Variants in SRRM4 observed in about 807,000 individuals in gnomAD.
The protein encoded by SRRM4 is serine/arginine repetitive matrix protein 4.
In SRRM4, 33 loss-of-function variants were observed where a neutral mutation model predicts 68.9. The ratio of observed to expected loss-of-function variants is 0.48; its 90% CI spans 0.36 to 0.64. The LOEUF (loss-of-function observed/expected upper bound fraction) is 0.64, where lower values mean the gene tolerates loss of function less well. Ranked by LOEUF, SRRM4 falls within the 30% of genes least tolerant of loss-of-function variation. SRRM4 has a pLI of 0.00. For synonymous variants in SRRM4, 318 were observed against 318.8 expected (o/e 1.00, Z 0.03); for missense variants, 817 against 827.1 (o/e 0.99, Z 0.15).
Position 119,162,717 on chromosome 12 carries a change from A to G in SRRM4, c.*5919A>G, listed in dbSNP as rs940355369. 6.6e-6 allele frequency: 1 copy of G among 152,112 alleles called. No individual in the cohort carries two copies. Among genetic ancestry groups the G allele is most frequent in the Non-Finnish European group, 1.5e-5 (1 of 68,042 alleles). 9.4% of individuals were successfully genotyped at this position (152,112 alleles called of 1,614,324 possible). On this transcript the variant is annotated 3_prime_UTR_variant, in exon 13 of 13. Transcript: ENST00000267260. The stretch of plus-strand genomic sequence containing the variant: ...GGCCAAGGACCTAGCATAATCCACC[A>G]CATTGGCCAAGGGGACGTGGTGCAC...
At chr12:118,983,079 C>A (rs1017452035) in intron 1 of SRRM4, among the ~76,000 whole-genome samples, 1 of 152,094 alleles carries the variant, frequency 6.6e-6, no homozygotes, top group African/African-American at 2.4e-5. Context: ...CATTAGGGAG[C>A]AGATTGAAAA....
intron 8 of SRRM4, among the ~76,000 whole-genome samples, chr12:119,141,257 T>C (rs112771840): frequency 2.0e-5 from 3 of 152,232 alleles, no homozygotes; most frequent in Admixed American, 6.5e-5. Flanking sequence ...AAGAGAATAA[T>C]TTGAATGCTC....
intron 2 of SRRM4, among the ~76,000 whole-genome samples, chr12:119,110,942 C>T (rs962040957): frequency 2.6e-5 from 4 of 152,190 alleles, no homozygotes; most frequent in African/African-American, 9.6e-5. Context: ...TCCTATTCGG[C>T]CACCTTGGAA....
chr12:118,982,033 A>G lies in SRRM4; in HGVS notation c.131+20A>G, dbSNP rs1953250848. On this transcript the variant is annotated intron_variant, in intron 1 of 12. Coordinates refer to ENST00000267260, the MANE Select transcript of SRRM4 (RefSeq NM_194286.4). ...GCCAAGGTAATGATCTCCTTCTTAG[A>G]AGGGGGGATCCTGAAGGTCCTCCTT... is the stretch of plus-strand genomic sequence containing the variant. 2 of 1,598,322 alleles carry G rather than the reference A, an allele frequency of 1.3e-6. No homozygotes were observed. The highest frequency in any genetic ancestry group is 1.7e-6 in the Non-Finnish European group (2 of 1,172,664).
chr12:119,096,265 C>G (rs1954044131), intron 1 of SRRM4, among the ~76,000 whole-genome samples: 1 of 150,650 alleles, frequency 6.6e-6, no homozygotes, highest in Non-Finnish European at 1.5e-5. Flanking sequence ...ATCTTCCTGA[C>G]CTCGTAATCC....
chr12:119,086,344 C>T (rs1166959240), intron 1 of SRRM4, among the ~76,000 whole-genome samples: 1 of 152,162 alleles, frequency 6.6e-6, no homozygotes, highest in African/African-American at 2.4e-5. Flanking sequence ...ATCTAAAGTG[C>T]TTTGCTTCCA....
chr12:119,131,220 T>G (rs1235423233), intron 8 of SRRM4, among the ~76,000 whole-genome samples: 1 of 152,214 alleles, frequency 6.6e-6, no homozygotes, highest in Non-Finnish European at 1.5e-5. Flanking sequence ...GCACTCCAGC[T>G]TTTACATGAA....
intron 9 of SRRM4, among the ~76,000 whole-genome samples, chr12:119,148,906 A>G (rs1954420750): frequency 6.6e-6 from 1 of 152,164 alleles, no homozygotes; most frequent in Non-Finnish European, 1.5e-5. Context: ...TCAGCTCTAA[A>G]TCAAAGGAAC....
At chr12:119,058,600 C>T (rs1565899250) in intron 1 of SRRM4, among the ~76,000 whole-genome samples, 2 of 152,186 alleles carry the variant, frequency 1.3e-5, no homozygotes, top group African/African-American at 4.8e-5. Context: ...GGTACAGAGT[C>T]TAGCATATTA....
chr12:119,104,868 A>T (rs139931122), intron 2 of SRRM4, among the ~76,000 whole-genome samples: 109 of 151,196 alleles, frequency 7.2e-4, no homozygotes, highest in African/African-American at 2.5e-3. Flanking sequence ...TGTGCACATC[A>T]TGCAGGTTTG....
intron 1 of SRRM4, among the ~76,000 whole-genome samples, chr12:119,028,095 C>T (rs1001147493): frequency 6.6e-6 from 1 of 152,224 alleles, no homozygotes; most frequent in Non-Finnish European, 1.5e-5. Context: ...GGGCACCACC[C>T]CTAGACTTTC....
intron 1 of SRRM4, chr12:118,993,857 G>C (rs1001540418): frequency 6.6e-6 from 1 of 152,176 alleles, no homozygotes; most frequent in East Asian, 1.9e-4. Context: ...ATTGCTTTCT[G>C]CTGGGTGCTA....
chr12:119,029,776 C>A (rs746357650), intron 1 of SRRM4, among the ~76,000 whole-genome samples: 1 of 152,226 alleles, frequency 6.6e-6, no homozygotes, highest in Non-Finnish European at 1.5e-5. Context: ...GCCAAAATCA[C>A]ATCACACAGA....
chr12:118,997,842 G>A (rs1953359019), intron 1 of SRRM4, among the ~76,000 whole-genome samples: 1 of 151,978 alleles, frequency 6.6e-6, no homozygotes, highest in African/African-American at 2.4e-5. Context: ...TTACAGAGGA[G>A]GAAGCTGAAG....
chr12:119,011,097 T>C (rs1953446119), intron 1 of SRRM4, among the ~76,000 whole-genome samples: 1 of 152,168 alleles, frequency 6.6e-6, no homozygotes, highest in African/African-American at 2.4e-5. Context: ...AAGAGGGGGA[T>C]ATTTTAGCTT....
Position 119,151,085 on chromosome 12 carries a change from G to T in SRRM4, c.1145G>T (p.Arg382Leu). ...TCCAGTTTGGTCCCATCCACAGCCCGGAGCTCACCCATGAAAGGGTGTTCC... is the reference window on the plus strand; with the variant it reads ...TCCAGTTTGGTCCCATCCACAGCCCTGAGCTCACCCATGAAAGGGTGTTCC... ...KKSSLVPSTARSSPMKGCSRS... is the reference protein window; with the variant it reads ...KKSSLVPSTALSSPMKGCSRS... Residue 382 changes from arginine (R) to leucine (L), a missense_variant, in exon 10 of 13, where the codon CGG becomes CTG. Arg to Leu is a moderately radical substitution (Grantham distance 102). Coordinates refer to ENST00000267260, the MANE Select transcript of SRRM4 (RefSeq NM_194286.4). 6.2e-7 allele frequency: 1 copy of T among 1,613,902 alleles called. No homozygotes were observed. The highest frequency in any genetic ancestry group is 1.1e-5 in the South Asian group (1 of 91,080).
rs182623301 is a variant in SRRM4, at chr12:119,057,046, G to A, written c.132-45190G>A. Among the ~76,000 whole-genome samples, 29 of 152,290 alleles carry A rather than the reference G, an allele frequency of 1.9e-4. 1 individual carries two copies. In the East Asian group the frequency reaches 5.4e-3, roughly 28 times the overall value. Reference sequence around the variant, plus strand: ...CAACAGATGATAAGATATAGGCACAGAATATCCAGGGATTTTCCTAGATCA... The same window carrying A: ...CAACAGATGATAAGATATAGGCACAAAATATCCAGGGATTTTCCTAGATCA... On this transcript the variant is annotated intron_variant, in intron 1 of 12. Transcript: ENST00000267260.
chr12:119,071,768 T>A (rs1214891664), intron 1 of SRRM4, among the ~76,000 whole-genome samples: 1 of 152,180 alleles, frequency 6.6e-6, no homozygotes, highest in Non-Finnish European at 1.5e-5. Flanking sequence ...GTGAGATTCA[T>A]CATGCCGCAC....
chr12:119,134,382 T>TAAA lies in SRRM4; in HGVS notation c.771+3562_771+3564dup, dbSNP rs55867545. On this transcript the variant is annotated intron_variant, in intron 8 of 12. Coordinates refer to ENST00000267260, the MANE Select transcript of SRRM4 (RefSeq NM_194286.4). The stretch of plus-strand genomic sequence containing the variant: ...AGGTACTGGGGAGGCAGAGAGATTG[T>TAAA]AAAAAAAAAAAAAAAAGAAGAAAAG... Among the ~76,000 whole-genome samples the TAAA allele has an allele frequency of 5.2e-5, 6 of 116,432 alleles. No individual in the cohort carries two copies. The East Asian group carries it at 7.3e-4, about 14-fold the overall frequency. 76.4% of individuals were successfully genotyped at this position (116,432 alleles called of 152,430 possible).
Sources: gnomAD v4.1 joint callset for allele counts (sites outside exome capture counted in the v4.1 genomes callset) on GRCh38, gnomAD v4.1.1 for gene constraint, MANE v1.5 for transcripts, NCBI Gene and HGNC (gene_info 2026-07-23, HGNC 2026-07-21) for gene names.